SEC14L6: variants seen among roughly 807,000 people sequenced by gnomAD.
SEC14L6 encodes SEC14 like lipid binding 6, also known as SEC14-like protein 6.
A neutral mutation model predicts 54.1 loss-of-function variants in SEC14L6; 40 were observed. The ratio of observed to expected loss-of-function variants is 0.74; its 90% confidence interval spans 0.57 to 0.96. The LOEUF (loss-of-function observed/expected upper bound fraction) is 0.96, where lower values mean the gene tolerates loss of function less well. Among genes scored for constraint, SEC14L6 ranks in the 40% least tolerant of loss-of-function variants. The pLI, the probability that SEC14L6 is intolerant of heterozygous loss-of-function variation, is 0.00. For synonymous variants in SEC14L6, 171 were observed against 198.4 expected (o/e 0.86, Z 1.16); for missense variants, 471 against 498.3 (o/e 0.95, Z 0.52).
intron 1 of SEC14L6, chr22:30,543,836 A>T: frequency 6.6e-7 from 1 of 1,509,594 alleles, no homozygotes; most frequent in Non-Finnish European, 9.2e-7. Context: ...ATAACCCAGG[A>T]CACAAATGAT....
At chr22:30,526,106 G>A (rs986699041) in intron 8 of SEC14L6, among the ~76,000 whole-genome samples, 174 bp from the exon 9 acceptor site, 1 of 152,194 alleles carries the variant, frequency 6.6e-6, no homozygotes, top group African/African-American at 2.4e-5. Context: ...GTGGCCCTAG[G>A]TCTTGTCCTG....
At chr22:30,541,047 CTTT>C (rs1395270559) in intron 1 of SEC14L6, among the ~76,000 whole-genome samples, 1 of 150,992 alleles carries the variant, frequency 6.6e-6, no homozygotes, top group Non-Finnish European at 1.5e-5. Context: ...ATTACTTGAA[CTTT>C]TTTTTAATTA....
chr22:30,528,969 C>A (rs1353535308), intron 8 of SEC14L6, 118 bp downstream of exon 8: 2 of 856,052 alleles, frequency 2.3e-6, no homozygotes, highest in Non-Finnish European at 3.7e-6. Flanking sequence ...AGGCAGTGGG[C>A]CCTCAACACC....
rs1369137457 is a variant in SEC14L6, at chr22:30,523,969, A to G, written c.*1028T>C. On this transcript the variant is annotated 3_prime_UTR_variant, in exon 12 of 12. Transcript: ENST00000402034. The stretch of plus-strand genomic sequence containing the variant: ...AAATGCACTTTTCGAATGCAAACCA[A>G]CTGATATAAACCATATTCCAACTAC... 6.6e-6 allele frequency: 1 copy of G among 152,194 alleles called. No individual in the cohort carries two copies. Among genetic ancestry groups the G allele is most frequent in the African/African-American group, 2.4e-5 (1 of 41,434 alleles). 9.4% of individuals were successfully genotyped at this position (152,194 alleles called of 1,614,324 possible).
At chr22:30,545,142 C>T (rs1431051506) in intron 1 of SEC14L6, among the ~76,000 whole-genome samples, 4 of 152,084 alleles carry the variant, frequency 2.6e-5, no homozygotes, top group Non-Finnish European at 2.9e-5. Flanking sequence ...TGTGCGACCA[C>T]GAAGGAAAGA....
In SEC14L6 at chr22:30,523,004, C is replaced by G. The variant is rs1936654871; in HGVS notation, c.*1993G>C. ...ACTAAAGAAAGCCAGAATCAAAAGG[C>G]TAAATATTGCACGATTCCATTTATA... On this transcript the variant is annotated 3_prime_UTR_variant, in exon 12 of 12. Transcript: ENST00000402034. 1 of 152,148 alleles carries G rather than the reference C, an allele frequency of 6.6e-6. No individual in the cohort carries two copies. 9.4% of individuals were successfully genotyped at this position (152,148 alleles called of 1,614,324 possible). A position where few individuals can be genotyped will look rare whatever the true frequency, so the allele number is the denominator to read the frequency against.
chr22:30,540,374 T>TTTTTTTTTTTTTG (rs2085680608), intron 1 of SEC14L6, among the ~76,000 whole-genome samples: 1 of 148,452 alleles, frequency 6.7e-6, no homozygotes. Context: ...TTCCTTTTTT[T>TTTTTTTTTTTTTG]TTTTTTTTTT....
At chr22:30,528,422 C>CTTTTTTTTT (rs375073961) in intron 8 of SEC14L6, among the ~76,000 whole-genome samples, 97 of 105,460 alleles carry the variant, frequency 9.2e-4, no homozygotes, top group African/African-American at 3.3e-3. Context: ...CGCTCGGCCT[C>CTTTTTTTTT]TTTTTTTTTT....
chr22:30,543,283 T>A, intron 1 of SEC14L6: 1 of 1,583,854 alleles, frequency 6.3e-7, no homozygotes. Context: ...GCGGGGGGAC[T>A]CTTTTCGTGG....
intron 1 of SEC14L6, chr22:30,542,851 T>G (rs1486345705): frequency 8.8e-6 from 14 of 1,597,326 alleles, no homozygotes; most frequent in Non-Finnish European, 1.2e-5. Context: ...AACAACTGTT[T>G]CAGATCTCAC....
At chr22:30,539,341 C>T (rs188930127) in intron 1 of SEC14L6, among the ~76,000 whole-genome samples, 2 of 152,308 alleles carry the variant, frequency 1.3e-5, no homozygotes, top group Non-Finnish European at 2.9e-5. Flanking sequence ...CCCACCATTG[C>T]ACTCCAGCCT....
chr22:30,541,259 A>T (rs1254287818), intron 1 of SEC14L6, among the ~76,000 whole-genome samples: 1 of 152,200 alleles, frequency 6.6e-6, no homozygotes, highest in African/African-American at 2.4e-5. Flanking sequence ...TAAGAAACAC[A>T]ACTTCTAAAG....
chr22:30,526,065 G>T, intron 8 of SEC14L6, 133 bp from the exon 9 acceptor site: 1 of 1,046,258 alleles, frequency 9.6e-7, no homozygotes, highest in Non-Finnish European at 1.4e-6. Flanking sequence ...CCATTGCCTA[G>T]AGCAGTCCTG....
chr22:30,525,147 C>G, intron 11 of SEC14L6, 38 bp from the exon 12 acceptor site: 1 of 1,337,304 alleles, frequency 7.5e-7, no homozygotes, highest in African/African-American at 1.4e-5. Context: ...AGATGCCCCA[C>G]CTGGGACTCT....
intron 5 of SEC14L6, chr22:30,532,279 C>A (rs1234995475): frequency 1.0e-6 from 1 of 985,306 alleles, no homozygotes; most frequent in Non-Finnish European, 1.2e-6. Flanking sequence ...AATGAGGCTG[C>A]AGAGGGCAGT....
At chr22:30,532,966 C>T (rs756358476) in intron 3 of SEC14L6, 110 bp from the exon 4 acceptor site, 18 of 1,520,010 alleles carry the variant, frequency 1.2e-5, no homozygotes, top group Non-Finnish European at 1.5e-5. Context: ...TAAGGGCCTG[C>T]CAGAGCATCC....
At chr22:30,537,263 T>C (rs910315853) in intron 2 of SEC14L6, among the ~76,000 whole-genome samples, 3 of 152,098 alleles carry the variant, frequency 2.0e-5, no homozygotes, top group Admixed American at 1.3e-4. Flanking sequence ...AAAATCAAGA[T>C]GGAGTCACCC....
intron 2 of SEC14L6, among the ~76,000 whole-genome samples, chr22:30,534,924 C>A (rs981964584): frequency 6.6e-6 from 1 of 151,642 alleles, no homozygotes; most frequent in African/African-American, 2.4e-5. Context: ...ACTTGGGAGG[C>A]TGAGGCAGGA....
intron 8 of SEC14L6, 141 bp downstream of exon 8, chr22:30,528,946 C>G (rs1443415733): frequency 2.9e-6 from 2 of 701,290 alleles, no homozygotes; most frequent in Non-Finnish European, 4.8e-6. Context: ...AGCAGCCCAC[C>G]TGGCAGCCCA....
Sources: allele counts gnomAD v4.1 joint callset (sites outside exome capture counted in the v4.1 genomes callset), GRCh38; gene constraint gnomAD v4.1.1; transcripts MANE v1.5; gene names NCBI Gene and HGNC (gene_info 2026-07-23, HGNC 2026-07-21).